The following LRRTM3 variants were observed in gnomAD, a reference collection of about 807,000 sequenced individuals.
The protein encoded by LRRTM3 is leucine rich repeat transmembrane neuronal 3.
In LRRTM3, 24 loss-of-function variants were observed where a neutral mutation model predicts 44.7. The ratio of observed to expected loss-of-function variants is 0.54; its 90% confidence interval spans 0.39 to 0.76. The LOEUF (loss-of-function observed/expected upper bound fraction) is 0.76, where lower values mean the gene tolerates loss of function less well. Among genes scored for constraint, LRRTM3 ranks in the 30% least tolerant of loss-of-function variants. LRRTM3 has a pLI of 0.00. For missense variants in LRRTM3, 587 were observed against 702.2 expected, an observed-to-expected ratio of 0.84 and a Z score of 1.85; for synonymous variants, 277 against 278.7, an observed-to-expected ratio of 0.99 and a Z score of 0.06.
At chr10:67,080,936 CAA>C (rs58476986) in intron 2 of LRRTM3, among the ~76,000 whole-genome samples, 98 of 31,394 alleles carry the variant, frequency 3.1e-3, no homozygotes, top group African/African-American at 0.015. Flanking sequence ...AAAAAAACAA[CAA>C]AAAAAAAAAA....
intron 2 of LRRTM3, among the ~76,000 whole-genome samples, chr10:66,984,761 C>T (rs183314549): frequency 9.5e-4 from 144 of 152,090 alleles, no homozygotes; most frequent in African/African-American, 2.9e-3. Flanking sequence ...GAAAGGAAAA[C>T]GAAAATTTAA....
intron 2 of LRRTM3, among the ~76,000 whole-genome samples, chr10:66,941,036 C>A (rs900949418): frequency 6.6e-6 from 1 of 152,076 alleles, no homozygotes; most frequent in South Asian, 2.1e-4. Context: ...AAAGAAAGCC[C>A]AACATACTCT....
At position 66,979,614 on chromosome 10, in the gene LRRTM3, C is replaced by T. The variant is rs80318831; in HGVS notation, c.1536+51162C>T. Among the ~76,000 whole-genome samples, 843 of 152,216 alleles carry T rather than the reference C, an allele frequency of 5.5e-3. 10 individuals carry two copies. Among genetic ancestry groups the T allele is most frequent in the African/African-American group, 0.019 (798 of 41,540 alleles). ...TAACCATTCTATCCCTCAATTGCCA[C>T]ATCAGTAAAATGGGGAGTATAAACA... On this transcript the variant is annotated intron_variant, in intron 2 of 2. Coordinates refer to ENST00000361320, the MANE Select transcript of LRRTM3 (RefSeq NM_178011.5).
intron 2 of LRRTM3, among the ~76,000 whole-genome samples, chr10:67,044,082 C>T (rs905772821): frequency 6.6e-6 from 1 of 151,852 alleles, no homozygotes; most frequent in African/African-American, 2.4e-5. Context: ...AGTTTTTCAG[C>T]CCTTCCCTCC....
chr10:67,016,507 G>A (rs921427191), intron 2 of LRRTM3, among the ~76,000 whole-genome samples: 3 of 152,120 alleles, frequency 2.0e-5, no homozygotes, highest in Non-Finnish European at 4.4e-5. Flanking sequence ...AGAATAGAAC[G>A]AGGTTGTTGG....
At chr10:66,979,995 G>A (rs556659727) in intron 2 of LRRTM3, among the ~76,000 whole-genome samples, 3 of 152,306 alleles carry the variant, frequency 2.0e-5, no homozygotes, top group Non-Finnish European at 4.4e-5. Context: ...TTCAAAAGAA[G>A]AGGAAGGAAA....
chr10:66,944,586 A>G (rs1329547106), intron 2 of LRRTM3, among the ~76,000 whole-genome samples: 1 of 152,124 alleles, frequency 6.6e-6, no homozygotes, highest in Non-Finnish European at 1.5e-5. Flanking sequence ...AAGGTTTTCA[A>G]TTTACTTTGC....
At chr10:66,937,909 C>A (rs78367913) in intron 2 of LRRTM3, among the ~76,000 whole-genome samples, 1 of 152,142 alleles carries the variant, frequency 6.6e-6, no homozygotes, top group African/African-American at 2.4e-5. Flanking sequence ...CCCCCTCTCC[C>A]AGAGACTGCA....
chr10:67,017,095 A>T (rs939191734), intron 2 of LRRTM3, among the ~76,000 whole-genome samples: 1 of 152,214 alleles, frequency 6.6e-6, no homozygotes, highest in Non-Finnish European at 1.5e-5. Flanking sequence ...TTTATAGCTA[A>T]TCATTGTATA....
chr10:67,002,891 T>G (rs1322718683), intron 2 of LRRTM3, among the ~76,000 whole-genome samples: 1 of 152,202 alleles, frequency 6.6e-6, no homozygotes, highest in Non-Finnish European at 1.5e-5. Flanking sequence ...GATAAAAACT[T>G]AGTATCATTA....
chr10:67,084,289 T>TA (rs917173229), intron 2 of LRRTM3, among the ~76,000 whole-genome samples: 9 of 152,084 alleles, frequency 5.9e-5, no homozygotes, highest in African/African-American at 2.2e-4. Flanking sequence ...CACAAATACT[T>TA]ACAGAGAAGG....
At chr10:67,070,686 GCAGGGAGCTGAGGT>G (rs993079226) in intron 2 of LRRTM3, among the ~76,000 whole-genome samples, 8 of 151,950 alleles carry the variant, frequency 5.3e-5, no homozygotes, top group Non-Finnish European at 7.4e-5. Flanking sequence ...GGCGGAGGTT[GCAGGGAGCTGAGGT>G]CACGCCACTG....
At position 66,926,151 on chromosome 10, in the gene LRRTM3, T is replaced by TC. The variant is rs1278583436; in HGVS notation, c.-432dup. ...GCAGCTCTGTGGCTGAACTGGGTGC[T>TC]CATCACGGGAACTGCTGGGGTATGG... On this transcript the variant is annotated 5_prime_UTR_variant, in exon 1 of 3. Transcript: ENST00000361320. 2.2e-6 allele frequency: 1 copy of TC among 460,724 alleles called. No individual in the cohort carries two copies. Among genetic ancestry groups the TC allele is most frequent in the Non-Finnish European group, 4.3e-6 (1 of 229,980 alleles). 28.5% of individuals were successfully genotyped at this position (460,724 alleles called of 1,614,324 possible). A position where few individuals can be genotyped will look rare whatever the true frequency, so the allele number is the denominator to read the frequency against.
chr10:67,022,992 TAA>T (rs1431047046), intron 2 of LRRTM3, among the ~76,000 whole-genome samples: 1 of 152,106 alleles, frequency 6.6e-6, no homozygotes, highest in Non-Finnish European at 1.5e-5. Flanking sequence ...GAGTGAAATT[TAA>T]AAAGACTGAA....
intron 2 of LRRTM3, among the ~76,000 whole-genome samples, chr10:66,970,890 A>T (rs1849685591): frequency 6.6e-6 from 1 of 152,120 alleles, no homozygotes; most frequent in African/African-American, 2.4e-5. Context: ...AGATCTCAAG[A>T]ATTCTCAATG....
intron 2 of LRRTM3, among the ~76,000 whole-genome samples, chr10:67,029,525 C>T (rs1419755292): frequency 3.9e-5 from 6 of 152,130 alleles, no homozygotes; most frequent in Non-Finnish European, 8.8e-5. Flanking sequence ...CAAACACAAA[C>T]ATTATTTAAG....
intron 2 of LRRTM3, among the ~76,000 whole-genome samples, chr10:67,024,906 G>A (rs577123465): frequency 1.2e-4 from 18 of 152,038 alleles, no homozygotes; most frequent in Admixed American, 5.2e-4. Flanking sequence ...CAAGGCGGGC[G>A]GATCACCTGA....
At chr10:66,939,848 C>T (rs1398610143) in intron 2 of LRRTM3, among the ~76,000 whole-genome samples, 9 of 152,036 alleles carry the variant, frequency 5.9e-5, no homozygotes, top group Admixed American at 5.9e-4. Flanking sequence ...TTTGAAATTC[C>T]AAACTAATTT....
rs138983774 is a variant in LRRTM3, at chr10:67,046,095, T to C, written c.1537-51492T>C. On this transcript the variant is annotated intron_variant, in intron 2 of 2. Transcript: ENST00000361320. Reference sequence around the variant, plus strand: ...AAATACAATAGCTAAGCTTAAATATTCACAGGGCTAATCCCAGAAAAGGCA... The same window carrying C: ...AAATACAATAGCTAAGCTTAAATATCCACAGGGCTAATCCCAGAAAAGGCA... 1.3e-3 allele frequency among the ~76,000 whole-genome samples: 173 copies of C among 132,828 alleles called. 1 individual carries two copies. The East Asian group carries it at 0.024, about 18-fold the overall frequency. The allele number at this position is 132,828 out of a possible 152,430, so 87.1% of individuals were successfully genotyped here.
Sources: allele counts gnomAD v4.1 joint callset (sites outside exome capture counted in the v4.1 genomes callset), GRCh38; gene constraint gnomAD v4.1.1; transcripts MANE v1.5; gene names NCBI Gene and HGNC (gene_info 2026-07-23, HGNC 2026-07-21).